FTO: variants seen among roughly 807,000 people sequenced by gnomAD.
The protein encoded by FTO is FTO alpha-ketoglutarate dependent dioxygenase.
Under a neutral mutation model 63.9 loss-of-function variants are expected in FTO, and 47 were observed. The ratio of observed to expected loss-of-function variants is 0.74; its 90% CI spans 0.58 to 0.94. The LOEUF (loss-of-function observed/expected upper bound fraction) is 0.94, where lower values mean the gene tolerates loss of function less well. FTO is among the 40% of genes least tolerant of loss of function. The pLI is 0.00. For synonymous variants in FTO, 207 were observed against 224.4 expected (o/e 0.92, Z 0.69); for missense variants, 562 against 618.1 (o/e 0.91, Z 0.96).
chr16:54,108,941 G>C (rs1230256172), intron 8 of FTO, among the ~76,000 whole-genome samples: 1 of 152,166 alleles, frequency 6.6e-6, no homozygotes, highest in African/African-American at 2.4e-5. Context: ...TGAGTGACCT[G>C]AGCAAAAGAA....
chr16:53,772,857 T>G (rs1177920122), intron 1 of FTO, among the ~76,000 whole-genome samples: 2 of 152,176 alleles, frequency 1.3e-5, no homozygotes, highest in Admixed American at 1.3e-4. Context: ...TCCTACTTTT[T>G]AAACCATTAG....
intron 4 of FTO, among the ~76,000 whole-genome samples, chr16:53,847,931 T>C (rs1195990048): frequency 6.6e-6 from 1 of 152,208 alleles, no homozygotes; most frequent in South Asian, 2.1e-4. Context: ...TAGGAGCTGA[T>C]ATCCAAGACA....
chr16:53,890,385 C>T (rs567195569), intron 7 of FTO, among the ~76,000 whole-genome samples: 2 of 152,076 alleles, frequency 1.3e-5, no homozygotes, highest in African/African-American at 4.8e-5. Context: ...TCCATCACCT[C>T]CAAAAGTTTT....
At chr16:54,020,397 G>A (rs776137086) in intron 8 of FTO, among the ~76,000 whole-genome samples, 2 of 152,092 alleles carry the variant, frequency 1.3e-5, no homozygotes, top group Non-Finnish European at 1.5e-5. Flanking sequence ...TTTTCTTGCT[G>A]GAGACAAAAA....
intron 4 of FTO, among the ~76,000 whole-genome samples, chr16:53,872,091 C>A (rs993303739): frequency 6.6e-6 from 1 of 152,132 alleles, no homozygotes; most frequent in South Asian, 2.1e-4. Context: ...CAGCCTTTAA[C>A]CTAGGACTCA....
chr16:53,759,009 G>A (rs571376761), intron 1 of FTO, among the ~76,000 whole-genome samples: 2 of 152,266 alleles, frequency 1.3e-5, no homozygotes, highest in Non-Finnish European at 2.9e-5. Context: ...CAGAAAAAAG[G>A]ATAGAGTCGT....
At chr16:53,760,258 G>T (rs370119438) in intron 1 of FTO, among the ~76,000 whole-genome samples, 102,481 of 141,138 alleles carry the variant, frequency 0.73, 37,716 homozygotes, top group African/African-American at 0.87. Context: ...GTGTGTGTGT[G>T]TGTTTTTTGG....
intron 1 of FTO, among the ~76,000 whole-genome samples, chr16:53,760,475 G>A (rs2077039146): frequency 6.6e-6 from 1 of 151,436 alleles, no homozygotes; most frequent in Non-Finnish European, 1.5e-5. Context: ...CAAACTCCTG[G>A]ACTCAAGCCG....
chr16:54,103,554 T>G (rs2086685159), intron 8 of FTO, among the ~76,000 whole-genome samples: 1 of 152,222 alleles, frequency 6.6e-6, no homozygotes, highest in Admixed American at 6.5e-5. Flanking sequence ...AAAGAAAAAG[T>G]GAACGTGTCT....
At chr16:53,908,286 G>T (rs570858998) in intron 7 of FTO, among the ~76,000 whole-genome samples, 1 of 152,146 alleles carries the variant, frequency 6.6e-6, no homozygotes, top group Non-Finnish European at 1.5e-5. Flanking sequence ...ATGCAAACTC[G>T]TAGTAAAGCC....
chr16:54,085,545 C>A (rs2086239102), intron 8 of FTO, among the ~76,000 whole-genome samples: 1 of 152,160 alleles, frequency 6.6e-6, no homozygotes, highest in South Asian at 2.1e-4. Context: ...TTTAAACATT[C>A]CATCAGCCAT....
chr16:53,726,489 CTG>C (rs1344117887), intron 1 of FTO, among the ~76,000 whole-genome samples: 5 of 152,150 alleles, frequency 3.3e-5, no homozygotes, highest in Non-Finnish European at 5.9e-5. Context: ...GAGGCTACCT[CTG>C]TGTCTAAAAG....
intron 1 of FTO, among the ~76,000 whole-genome samples, chr16:53,717,623 A>T (rs2075925965): frequency 6.6e-6 from 1 of 151,996 alleles, no homozygotes; most frequent in Non-Finnish European, 1.5e-5. Flanking sequence ...TAATTAGAAA[A>T]ACATTTTCCC....
chr16:53,769,282 G>A (rs906950251), intron 1 of FTO, among the ~76,000 whole-genome samples: 6 of 152,074 alleles, frequency 3.9e-5, no homozygotes, highest in African/African-American at 9.7e-5. Flanking sequence ...TTGATTCTCC[G>A]CATTTATAGC....
chr16:53,894,006 G>A (rs1015041055), intron 7 of FTO, among the ~76,000 whole-genome samples: 1 of 152,182 alleles, frequency 6.6e-6, no homozygotes, highest in Non-Finnish European at 1.5e-5. Context: ...ATTATGTTAG[G>A]TAAGCTATAG....
intron 4 of FTO, among the ~76,000 whole-genome samples, chr16:53,862,609 C>T (rs2080207664): frequency 1.4e-5 from 2 of 144,288 alleles, no homozygotes; most frequent in Admixed American, 1.4e-4. Flanking sequence ...GATCTCGGCT[C>T]ACTGCAACCT....
intron 1 of FTO, among the ~76,000 whole-genome samples, chr16:53,782,581 G>T (rs1170885465): frequency 6.6e-6 from 1 of 152,186 alleles, no homozygotes; most frequent in African/African-American, 2.4e-5. Flanking sequence ...CAATCTCAGG[G>T]CTAGAAAGTC....
At chr16:54,049,812 G>T (rs367780487) in intron 8 of FTO, among the ~76,000 whole-genome samples, 1 of 152,190 alleles carries the variant, frequency 6.6e-6, no homozygotes, top group African/African-American at 2.4e-5. Flanking sequence ...GGATTTGGCC[G>T]TGGATCCAAG....
intron 8 of FTO, among the ~76,000 whole-genome samples, chr16:54,077,057 A>G (rs2086013901): frequency 3.3e-5 from 5 of 152,198 alleles, no homozygotes; most frequent in Admixed American, 2.6e-4. Context: ...TTATATCATA[A>G]TCATCATTAT....
Sources: allele counts gnomAD v4.1 joint callset (sites outside exome capture counted in the v4.1 genomes callset), GRCh38; gene constraint gnomAD v4.1.1; transcripts MANE v1.5; gene names NCBI Gene and HGNC (gene_info 2026-07-23, HGNC 2026-07-21).